COL24A1: variants seen among roughly 807,000 people sequenced by gnomAD.
The protein encoded by COL24A1 is collagen type XXIV alpha 1 chain, also known as collagen alpha-1(XXIV) chain.
In COL24A1, 224 loss-of-function variants were observed where a neutral mutation model predicts 253.9. That is an observed-to-expected ratio of 0.88 (90% CI 0.79 to 0.99). COL24A1 has a LOEUF of 0.99. COL24A1 is among the 50% of genes least tolerant of loss of function. COL24A1 has a pLI of 0.00. For synonymous variants in COL24A1, 685 were observed against 673.7 expected (o/e 1.02, Z -0.26); for missense variants, 2,131 against 2,068.5 (o/e 1.03, Z -0.59).
chr1:86,142,577 T>C (rs1351525072), intron 2 of COL24A1, among the ~76,000 whole-genome samples: 1 of 135,166 alleles, frequency 7.4e-6, no homozygotes, highest in African/African-American at 2.7e-5. Flanking sequence ...ACAGAAGAAA[T>C]AAGAAATTAA....
intron 55 of COL24A1, 63 bp from the exon 56 acceptor site, chr1:85,745,569 G>T: frequency 8.3e-7 from 1 of 1,205,998 alleles, no homozygotes; most frequent in Non-Finnish European, 1.2e-6. Context: ...CTAAAGTAAA[G>T]GCTGTAAATT....
At chr1:85,950,224 A>G (rs1689756628) in intron 24 of COL24A1, among the ~76,000 whole-genome samples, 1 of 152,190 alleles carries the variant, frequency 6.6e-6, no homozygotes, top group Non-Finnish European at 1.5e-5. Context: ...TTTATCTGTA[A>G]CACCTAACGG....
At chr1:85,780,553 A>C (rs555276412) in intron 52 of COL24A1, among the ~76,000 whole-genome samples, 1 of 152,296 alleles carries the variant, frequency 6.6e-6, no homozygotes, top group Admixed American at 6.5e-5. Context: ...GAGTGGAAAG[A>C]GCGCTGGTCT....
At chr1:85,764,486 A>G (rs1667160744) in intron 53 of COL24A1, among the ~76,000 whole-genome samples, 1 of 149,604 alleles carries the variant, frequency 6.7e-6, no homozygotes, top group South Asian at 2.2e-4. Context: ...ACACACACAC[A>G]CACACACACA....
chr1:85,950,508 G>T (rs1689784527), intron 24 of COL24A1, among the ~76,000 whole-genome samples: 1 of 152,184 alleles, frequency 6.6e-6, no homozygotes, highest in Non-Finnish European at 1.5e-5. Context: ...AAGGTGATAA[G>T]TGTGGGTTTG....
intron 19 of COL24A1, among the ~76,000 whole-genome samples, chr1:85,998,204 T>C (rs988199004): frequency 6.6e-6 from 1 of 152,248 alleles, no homozygotes. Context: ...CTTTTACAAA[T>C]GCTGTTTCCT....
intron 24 of COL24A1, among the ~76,000 whole-genome samples, chr1:85,948,038 A>G (rs1165086987): frequency 6.6e-6 from 1 of 152,152 alleles, no homozygotes; most frequent in African/African-American, 2.4e-5. Flanking sequence ...TACTGTTAAG[A>G]TATCAATTAC....
intron 37 of COL24A1, among the ~76,000 whole-genome samples, chr1:85,859,187 G>T (rs1171782661): frequency 3.3e-5 from 5 of 152,122 alleles, no homozygotes; most frequent in Admixed American, 6.6e-5. Flanking sequence ...TCATAACTGT[G>T]CCTGGCTTAA....
intron 19 of COL24A1, among the ~76,000 whole-genome samples, chr1:86,015,445 G>C (rs146429447): frequency 1.3e-5 from 2 of 152,128 alleles, no homozygotes; most frequent in African/African-American, 4.8e-5. Context: ...ATCTTTAGAA[G>C]ACCAAGTAGT....
chr1:85,789,889 C>T (rs111781315), intron 47 of COL24A1, among the ~76,000 whole-genome samples: 14,711 of 152,066 alleles, frequency 0.097, 1,190 homozygotes, highest in African/African-American at 0.2. Flanking sequence ...CCTTGCATCC[C>T]GGGGGTGAAG....
chr1:85,834,279 AGAGTGAGT>A (rs1296900249), intron 43 of COL24A1, among the ~76,000 whole-genome samples: 1 of 151,200 alleles, frequency 6.6e-6, no homozygotes, highest in Admixed American at 6.6e-5. Context: ...TCATAGAGAC[AGAGTGAGT>A]GAGTGAGAGA....
intron 19 of COL24A1, among the ~76,000 whole-genome samples, chr1:86,004,513 A>G (rs1416431576): frequency 6.6e-6 from 1 of 152,238 alleles, no homozygotes; most frequent in Non-Finnish European, 1.5e-5. Flanking sequence ...GCCAGTTAAA[A>G]GAAAATAATG....
chr1:85,814,243 C>T (rs889205250), intron 47 of COL24A1, among the ~76,000 whole-genome samples: 3 of 152,138 alleles, frequency 2.0e-5, no homozygotes, highest in East Asian at 1.9e-4. Context: ...CCCCTTCATT[C>T]TTGTGTATTC....
intron 19 of COL24A1, among the ~76,000 whole-genome samples, chr1:86,007,794 G>T (rs1696112733): frequency 6.6e-6 from 1 of 152,200 alleles, no homozygotes; most frequent in Non-Finnish European, 1.5e-5. Context: ...AGTGCCCATA[G>T]GTTGCTGAGG....
intron 12 of COL24A1, among the ~76,000 whole-genome samples, chr1:86,044,604 C>T (rs2101631902): frequency 6.6e-6 from 1 of 152,154 alleles, no homozygotes; most frequent in East Asian, 1.9e-4. Flanking sequence ...AAGAACAGTG[C>T]AATCAAACAA....
chr1:85,804,033 AATAAT>A (rs1247891634), intron 47 of COL24A1, among the ~76,000 whole-genome samples: 2 of 152,214 alleles, frequency 1.3e-5, no homozygotes, highest in Non-Finnish European at 2.9e-5. Flanking sequence ...GCATTGAAAT[AATAAT>A]AGAAAAAATT....
intron 19 of COL24A1, among the ~76,000 whole-genome samples, chr1:85,995,966 C>T (rs545183217): frequency 1.3e-5 from 2 of 152,210 alleles, no homozygotes; most frequent in Admixed American, 6.5e-5. Context: ...AATTAAACCT[C>T]TTTTCTTTAT....
Position 85,965,035 on chromosome 1 carries a change from C to G in COL24A1, c.2491G>C (p.Gly831Arg). The change falls in exon 23 of 60, where the codon GGT becomes CGT. Residue 831 changes from glycine (G) to arginine (R), a missense_variant. Coordinates refer to ENST00000370571, the MANE Select transcript of COL24A1 (RefSeq NM_152890.7). ...TTTAAGCCTTCTGGTCCTGGTTCAC[C>G]TGCATACCCCTTTTGACCTGGTTTT... is the stretch of plus-strand genomic sequence containing the variant. ...RGKPGQKGYA[G>R]EPGPEGLKGE... 6.2e-7 allele frequency: 1 copy of G among 1,610,984 alleles called. No individual in the cohort carries two copies. Among genetic ancestry groups the G allele is most frequent in the South Asian group, 1.1e-5 (1 of 90,526 alleles).
In COL24A1 at chr1:85,797,207, CAAAAAA is replaced by C. The variant is rs1181001829; in HGVS notation, c.3952-10752_3952-10747del. 3.8e-3 allele frequency among the ~76,000 whole-genome samples: 250 copies of C among 66,198 alleles called. 5 individuals carry two copies. In the East Asian group the frequency reaches 0.069, roughly 18 times the overall value. The allele number at this position is 66,198 out of a possible 152,430, so 43.4% of individuals were successfully genotyped here. A position where few individuals can be genotyped will look rare whatever the true frequency, so the allele number is the denominator to read the frequency against. On this transcript the variant is annotated intron_variant, in intron 47 of 59. Coordinates refer to ENST00000370571, the MANE Select transcript of COL24A1 (RefSeq NM_152890.7). ...TGGGCGACAGAGCGAGACTCCGTCT[CAAAAAA>C]AAAAAAAAAAAAAAAAAGAACATTC...
Sources: allele counts gnomAD v4.1 joint callset (sites outside exome capture counted in the v4.1 genomes callset), GRCh38; gene constraint gnomAD v4.1.1; transcripts MANE v1.5; gene names NCBI Gene and HGNC (gene_info 2026-07-23, HGNC 2026-07-21).